Variants in DPP10 observed in about 807,000 individuals in gnomAD.
The protein encoded by DPP10 is dipeptidyl peptidase like 10.
A neutral mutation model predicts 120.9 loss-of-function variants in DPP10; 33 were observed. That is an observed-to-expected ratio of 0.27 (90% CI 0.21 to 0.37). The LOEUF (loss-of-function observed/expected upper bound fraction) is 0.37, where lower values mean the gene tolerates loss of function less well. Among genes scored for constraint, DPP10 ranks in the 10% least tolerant of loss-of-function variants. The pLI is 1.00. For missense variants in DPP10, 816 were observed against 942.8 expected (o/e 0.87, Z 1.76); for synonymous variants, 337 against 326.1 (o/e 1.03, Z -0.36).
chr2:115,544,112 G>A (rs1161724973), intron 5 of DPP10, among the ~76,000 whole-genome samples: 1 of 150,092 alleles, frequency 6.7e-6, no homozygotes, highest in African/African-American at 2.4e-5. Flanking sequence ...ATGTGAGATA[G>A]TAAAAACTGA....
intron 1 of DPP10, among the ~76,000 whole-genome samples, chr2:115,192,412 A>G (rs542887717): frequency 1.2e-4 from 19 of 152,364 alleles, no homozygotes; most frequent in African/African-American, 4.3e-4. Context: ...CCATTTGGCC[A>G]GGGTATAAAT....
At chr2:114,492,504 G>T (rs533835846) in intron 1 of DPP10, among the ~76,000 whole-genome samples, 1 of 151,974 alleles carries the variant, frequency 6.6e-6, no homozygotes, top group Admixed American at 6.6e-5. Context: ...TTATGCAATG[G>T]GCATTATTTA....
chr2:115,284,930 G>A (rs571940266), intron 1 of DPP10, among the ~76,000 whole-genome samples: 2 of 152,086 alleles, frequency 1.3e-5, no homozygotes, highest in South Asian at 4.1e-4. Context: ...GCTTCTTAAT[G>A]ATGTTTCTTA....
At chr2:115,828,843 T>C (rs1688641004) in intron 21 of DPP10, among the ~76,000 whole-genome samples, 1 of 152,178 alleles carries the variant, frequency 6.6e-6, no homozygotes, top group African/African-American at 2.4e-5. Context: ...ATTAACCATT[T>C]TATATGTCTC....
At chr2:114,972,130 G>A (rs1457936041) in intron 1 of DPP10, among the ~76,000 whole-genome samples, 1 of 152,170 alleles carries the variant, frequency 6.6e-6, no homozygotes, top group African/African-American at 2.4e-5. Flanking sequence ...CACTCTTTGG[G>A]CTTCACTTTT....
chr2:114,862,645 G>A (rs1689903125), intron 1 of DPP10, among the ~76,000 whole-genome samples: 1 of 152,108 alleles, frequency 6.6e-6, no homozygotes. Flanking sequence ...ATAAAGACAG[G>A]TGAGAAATAT....
intron 1 of DPP10, among the ~76,000 whole-genome samples, chr2:115,005,805 C>T (rs1352581750): frequency 6.6e-6 from 1 of 152,050 alleles, no homozygotes; most frequent in Non-Finnish European, 1.5e-5. Flanking sequence ...AGGATATTAT[C>T]CAGGAGAATT....
chr2:115,841,163 C>T (rs1237851305), intron 25 of DPP10, among the ~76,000 whole-genome samples: 3 of 151,358 alleles, frequency 2.0e-5, no homozygotes, highest in Admixed American at 2.0e-4. Context: ...TTTTCTTGTT[C>T]CTTTTGTCTT....
chr2:115,204,449 T>C (rs1187601166), intron 1 of DPP10, among the ~76,000 whole-genome samples: 1 of 152,122 alleles, frequency 6.6e-6, no homozygotes, highest in African/African-American at 2.4e-5. Flanking sequence ...GCAGTTGTGA[T>C]GAATTCGTTG....
At chr2:115,264,749 A>G (rs894369942) in intron 1 of DPP10, among the ~76,000 whole-genome samples, 1 of 152,236 alleles carries the variant, frequency 6.6e-6, no homozygotes, top group Non-Finnish European at 1.5e-5. Flanking sequence ...GATGTTTAAG[A>G]AAGATGATGC....
At chr2:114,521,316 C>T (rs1022429980) in intron 1 of DPP10, among the ~76,000 whole-genome samples, 2 of 147,358 alleles carry the variant, frequency 1.4e-5, no homozygotes, top group Admixed American at 6.9e-5. Flanking sequence ...TCAGGCAGGC[C>T]GATTTTAAGA....
At chr2:115,595,401 C>T (rs560550762) in intron 5 of DPP10, among the ~76,000 whole-genome samples, 76 of 152,188 alleles carry the variant, frequency 5.0e-4, no homozygotes, top group Non-Finnish European at 9.6e-4. Context: ...TATGAACAAA[C>T]TCATCCAATC....
chr2:114,503,126 A>G (rs1039813889), intron 1 of DPP10, among the ~76,000 whole-genome samples: 3 of 152,240 alleles, frequency 2.0e-5, no homozygotes, highest in African/African-American at 7.2e-5. Context: ...CACCCTTTGC[A>G]ATGGCTCTGG....
At chr2:114,845,340 G>A (rs553725864) in intron 1 of DPP10, among the ~76,000 whole-genome samples, 18 of 152,148 alleles carry the variant, frequency 1.2e-4, no homozygotes, top group African/African-American at 4.3e-4. Context: ...GTGGGGACAG[G>A]GGGTATATAA....
intron 5 of DPP10, among the ~76,000 whole-genome samples, chr2:115,649,996 A>G (rs539215489): frequency 9.8e-4 from 149 of 152,136 alleles, no homozygotes; most frequent in Non-Finnish European, 1.9e-3. Context: ...TGCCAATTCA[A>G]TGAGTTTTTG....
At chr2:114,780,967 T>C (rs1682276121) in intron 1 of DPP10, among the ~76,000 whole-genome samples, 1 of 152,164 alleles carries the variant, frequency 6.6e-6, no homozygotes, top group Non-Finnish European at 1.5e-5. Flanking sequence ...AATTTGCATG[T>C]ACTTGTCATA....
intron 3 of DPP10, among the ~76,000 whole-genome samples, chr2:115,396,758 A>G (rs1385325245): frequency 6.6e-6 from 1 of 152,194 alleles, no homozygotes; most frequent in East Asian, 1.9e-4. Flanking sequence ...GCAGTCAATC[A>G]TCCACAGAGG....
intron 5 of DPP10, among the ~76,000 whole-genome samples, chr2:115,675,274 C>T (rs185866122): frequency 5.9e-5 from 9 of 152,010 alleles, no homozygotes; most frequent in Non-Finnish European, 7.4e-5. Context: ...CAGACTTTGA[C>T]GAATATGACG....
intron 19 of DPP10, among the ~76,000 whole-genome samples, chr2:115,793,052 G>C (rs537009895): frequency 1.6e-4 from 24 of 152,278 alleles, no homozygotes; most frequent in African/African-American, 5.8e-4. Flanking sequence ...TAAGCTAACT[G>C]GCTCATCTTG....
Sources: allele counts gnomAD v4.1 joint callset (sites outside exome capture counted in the v4.1 genomes callset), GRCh38; gene constraint gnomAD v4.1.1; transcripts MANE v1.5; gene names NCBI Gene and HGNC (gene_info 2026-07-23, HGNC 2026-07-21).